SGMS2: variants seen among roughly 807,000 people sequenced by gnomAD.
SGMS2 encodes phosphatidylcholine:ceramide cholinephosphotransferase 2.
A neutral mutation model predicts 43.8 loss-of-function variants in SGMS2; 21 were observed. The observed-to-expected ratio is 0.48, with a 90% CI of 0.34 to 0.69. The LOEUF (loss-of-function observed/expected upper bound fraction) is 0.69. Among genes scored for constraint, SGMS2 ranks in the 30% least tolerant of loss-of-function variants. The probability of loss-of-function intolerance (pLI) is 0.01; values close to 1 mark genes in which losing one functional copy is unlikely to be tolerated. For missense variants in SGMS2, 384 were observed against 443.2 expected (o/e 0.87, Z 1.20); for synonymous variants, 167 against 160.6 (o/e 1.04, Z -0.30).
chr4:107,895,524 TCTC>T lies in SGMS2; in HGVS notation c.-27_-25del. 1 of 1,575,224 alleles carries T rather than the reference TCTC, an allele frequency of 6.3e-7. No individual in the cohort carries two copies. The highest frequency in any genetic ancestry group is 2.3e-5 in the East Asian group (1 of 44,440). On this transcript the variant is annotated 5_prime_UTR_variant, in exon 3 of 7. Transcript: ENST00000690982. ...TCCACAAAGAACAAGAACTTGACCA[TCTC>T]CTTTTTGATCTGAAGACTAGGGGAC...
At chr4:107,885,457 G>A (rs1420237296) in intron 2 of SGMS2, among the ~76,000 whole-genome samples, 3 of 152,122 alleles carry the variant, frequency 2.0e-5, no homozygotes, top group Non-Finnish European at 2.9e-5. Context: ...CTCTTTTGAT[G>A]TCAATATCAC....
At chr4:107,874,604 AT>A (rs1560652349) in intron 2 of SGMS2, among the ~76,000 whole-genome samples, 1 of 152,150 alleles carries the variant, frequency 6.6e-6, no homozygotes, top group African/African-American at 2.4e-5. Context: ...TTTCCAAGTG[AT>A]TTTTTTAAGT....
intron 1 of SGMS2, among the ~76,000 whole-genome samples, chr4:107,836,865 G>C (rs1490724541): frequency 6.6e-6 from 1 of 152,162 alleles, no homozygotes; most frequent in Non-Finnish European, 1.5e-5. Flanking sequence ...AGGATGGGCA[G>C]GGGAGGGAAG....
intron 2 of SGMS2, among the ~76,000 whole-genome samples, chr4:107,882,155 T>G (rs1242216347): frequency 6.6e-6 from 1 of 152,176 alleles, no homozygotes; most frequent in Non-Finnish European, 1.5e-5. Flanking sequence ...CATATGGTAG[T>G]TCTATTTTTA....
chr4:107,875,776 G>A (rs1349696718), intron 2 of SGMS2, among the ~76,000 whole-genome samples: 1 of 152,176 alleles, frequency 6.6e-6, no homozygotes, highest in Non-Finnish European at 1.5e-5. Context: ...CATTTTTGTG[G>A]TTGGCATAAG....
intron 3 of SGMS2, among the ~76,000 whole-genome samples, chr4:107,897,121 C>A (rs1424252559): frequency 1.3e-5 from 2 of 152,122 alleles, no homozygotes; most frequent in Admixed American, 6.6e-5. Context: ...TGTGGTATAT[C>A]CACTCAGACC....
intron 1 of SGMS2, among the ~76,000 whole-genome samples, chr4:107,844,951 A>C (rs1726733074): frequency 6.6e-6 from 1 of 152,126 alleles, no homozygotes; most frequent in Admixed American, 6.6e-5. Flanking sequence ...CTGGGGAGAG[A>C]GTTGATACAA....
At chr4:107,860,955 G>A (rs1291745762) in intron 2 of SGMS2, among the ~76,000 whole-genome samples, 1 of 152,138 alleles carries the variant, frequency 6.6e-6, no homozygotes, top group Non-Finnish European at 1.5e-5. Context: ...TGTTCTTATA[G>A]CATCCTGAAC....
At chr4:107,842,035 A>G (rs1388327809) in intron 1 of SGMS2, among the ~76,000 whole-genome samples, 1 of 152,086 alleles carries the variant, frequency 6.6e-6, no homozygotes, top group Non-Finnish European at 1.5e-5. Context: ...AAGTTCTTAG[A>G]TGGCTTGTTA....
rs138141305 is a variant in SGMS2, at chr4:107,887,705, T to G, written c.-244-7605T>G. Among the ~76,000 whole-genome samples, 660 of 152,336 alleles carry G rather than the reference T, an allele frequency of 4.3e-3. 2 individuals are homozygous for G. Among genetic ancestry groups the G allele is most frequent in the African/African-American group, 0.015 (630 of 41,592 alleles). ...CACAAAATAGGATCACAGGTCATTG[T>G]AAAATAAGTCATTTCATTTAACCAA... is the stretch of plus-strand genomic sequence containing the variant. On this transcript the variant is annotated intron_variant, in intron 2 of 6. Coordinates refer to ENST00000690982, the MANE Select transcript of SGMS2 (RefSeq NM_001375905.1).
At chr4:107,880,526 G>T (rs1201626690) in intron 2 of SGMS2, among the ~76,000 whole-genome samples, 1 of 151,890 alleles carries the variant, frequency 6.6e-6, no homozygotes, top group Non-Finnish European at 1.5e-5. Flanking sequence ...TGGCTGGAAA[G>T]AATTTTATAA....
At position 107,833,735 on chromosome 4, in the gene SGMS2, A is replaced by G. The variant is rs1213090596; in HGVS notation, c.-327+8482A>G. ...ACGGAAGGGGGAATTCAGGTTGCAGATGGAGTTAAGGGTGCTGACCAGCTG... is the reference window on the plus strand; with the variant it reads ...ACGGAAGGGGGAATTCAGGTTGCAGGTGGAGTTAAGGGTGCTGACCAGCTG... On this transcript the variant is annotated intron_variant, in intron 1 of 6. Coordinates refer to ENST00000690982, the MANE Select transcript of SGMS2 (RefSeq NM_001375905.1). Among the ~76,000 whole-genome samples the G allele has an allele frequency of 2.0e-5, 3 of 152,210 alleles. No individual in the cohort carries two copies. The East Asian group carries it at 5.8e-4, about 29-fold the overall frequency.
At chr4:107,894,891 C>G (rs1303935960) in intron 2 of SGMS2, among the ~76,000 whole-genome samples, 3 of 152,094 alleles carry the variant, frequency 2.0e-5, no homozygotes, top group African/African-American at 7.2e-5. Flanking sequence ...AAGCCTCTTA[C>G]CAGTTTTTTA....
intron 2 of SGMS2, 45 bp from the exon 3 acceptor site, chr4:107,895,265 G>A (rs1290786085): frequency 2.9e-6 from 1 of 348,452 alleles, no homozygotes; most frequent in African/African-American, 2.1e-5. Context: ...ATGGTTGACA[G>A]TTGGACAAGC....
In SGMS2 at chr4:107,914,019, G is replaced by A. The variant is rs570451939; in HGVS notation, c.*3466G>A. The A allele has an allele frequency of 1.2e-4, 18 of 152,200 alleles. No homozygotes were observed. The highest frequency in any genetic ancestry group is 5.8e-4 in the East Asian group (3 of 5,192). The allele number at this position is 152,200 out of a possible 1,614,324, so 9.4% of individuals were successfully genotyped here. On this transcript the variant is annotated 3_prime_UTR_variant, in exon 7 of 7. Transcript: ENST00000690982. The stretch of plus-strand genomic sequence containing the variant: ...AAGGAGTTTCTTAATGAGTTTACAC[G>A]TTTAAATCAAGCATATTATAAGTTA...
At chr4:107,900,619 G>A (rs139993036) in intron 4 of SGMS2, among the ~76,000 whole-genome samples, 1 of 152,258 alleles carries the variant, frequency 6.6e-6, no homozygotes, top group African/African-American at 2.4e-5. Flanking sequence ...CAGGAAGAGC[G>A]AGTTCTTGAG....
At chr4:107,903,458 G>A in intron 5 of SGMS2, 72 bp downstream of exon 5, 5 of 1,437,622 alleles carry the variant, frequency 3.5e-6, no homozygotes, top group Non-Finnish European at 4.8e-6. Flanking sequence ...AAATTGATAG[G>A]AGCCCTTATT....
Position 107,910,432 on chromosome 4 carries a change from A to AT in SGMS2, c.977_978insT (p.Gln326HisfsTer34). On this transcript the variant is annotated frameshift_variant, in exon 7 of 7. Transcript: ENST00000690982. LOFTEE classifies it high-confidence loss of function. ...TTTTATTTTTTTGAGAAAAATGTAC[A>AT]AGGCTCAATTCCTTGCTGCTTCTCC... The AT allele has an allele frequency of 6.2e-7, 1 of 1,614,090 alleles. No homozygotes were observed. Among genetic ancestry groups the AT allele is most frequent in the Non-Finnish European group, 8.5e-7 (1 of 1,179,992 alleles).
At chr4:107,829,226 A>C (rs922275583) in intron 1 of SGMS2, among the ~76,000 whole-genome samples, 2 of 152,194 alleles carry the variant, frequency 1.3e-5, no homozygotes, top group African/African-American at 4.8e-5. Context: ...AAAGTGCGAG[A>C]AATTTCTATT....
Sources: allele counts gnomAD v4.1 joint callset (sites outside exome capture counted in the v4.1 genomes callset), GRCh38; gene constraint gnomAD v4.1.1; transcripts MANE v1.5; gene names NCBI Gene and HGNC (gene_info 2026-07-23, HGNC 2026-07-21).